Variants in LRP1B observed in about 807,000 individuals in gnomAD.
LRP1B encodes the protein low-density lipoprotein receptor-related protein 1B.
A neutral mutation model predicts 556.6 loss-of-function variants in LRP1B; 217 were observed. That is an observed-to-expected ratio of 0.39 (90% CI 0.35 to 0.44). The LOEUF is 0.44. Among genes scored for constraint, LRP1B ranks in the 20% least tolerant of loss-of-function variants. The probability of loss-of-function intolerance (pLI) is 1.00; values close to 1 mark genes in which losing one functional copy is unlikely to be tolerated. For synonymous variants in LRP1B, 2,047 were observed against 1,865.8 expected (o/e 1.10, Z -2.50); for missense variants, 5,053 against 5,620.8 (o/e 0.90, Z 3.23).
intron 1 of LRP1B, among the ~76,000 whole-genome samples, chr2:141,967,063 A>G (rs1701586491): frequency 6.6e-6 from 1 of 151,682 alleles, no homozygotes; most frequent in African/African-American, 2.4e-5. Context: ...CCCATCTCCA[A>G]CTTCTTCTTA....
chr2:141,846,801 AT>A (rs1333968133), intron 1 of LRP1B, among the ~76,000 whole-genome samples: 6 of 151,518 alleles, frequency 4.0e-5, no homozygotes, highest in African/African-American at 7.2e-5. Context: ...AATAAAAAAA[AT>A]AAAAGCTTTA....
chr2:141,138,357 A>G (rs1701541711), intron 7 of LRP1B, among the ~76,000 whole-genome samples: 1 of 151,992 alleles, frequency 6.6e-6, no homozygotes, highest in Non-Finnish European at 1.5e-5. Flanking sequence ...GAACAGGAAC[A>G]AGACAAGACA....
chr2:141,591,346 T>TTG (rs1553539616), intron 2 of LRP1B, among the ~76,000 whole-genome samples: 109 of 134,934 alleles, frequency 8.1e-4, no homozygotes, highest in Admixed American at 4.3e-3. Context: ...CTGGTTTTTT[T>TTG]TTGTTGTTGT....
At chr2:141,413,984 A>C (rs1473164688) in intron 3 of LRP1B, among the ~76,000 whole-genome samples, 1 of 152,042 alleles carries the variant, frequency 6.6e-6, no homozygotes, top group Non-Finnish European at 1.5e-5. Context: ...TAATCCCAGC[A>C]CTTTGGGAGG....
intron 3 of LRP1B, among the ~76,000 whole-genome samples, chr2:141,325,500 A>G (rs956501761): frequency 6.6e-6 from 1 of 152,166 alleles, no homozygotes; most frequent in African/African-American, 2.4e-5. Flanking sequence ...GTCACAGACT[A>G]TACTAGGTAA....
At chr2:141,584,621 C>A (rs969992637) in intron 2 of LRP1B, among the ~76,000 whole-genome samples, 2 of 152,072 alleles carry the variant, frequency 1.3e-5, no homozygotes, top group Non-Finnish European at 2.9e-5. Context: ...GTACAACATA[C>A]ACACACATGC....
intron 15 of LRP1B, among the ~76,000 whole-genome samples, chr2:140,994,611 C>A (rs1697188676): frequency 6.6e-6 from 1 of 151,884 alleles, no homozygotes; most frequent in Non-Finnish European, 1.5e-5. Flanking sequence ...GAGTAGATTG[C>A]AGGTGTTCTT....
chr2:141,203,296 T>C (rs1403966315), intron 6 of LRP1B, among the ~76,000 whole-genome samples: 2 of 150,416 alleles, frequency 1.3e-5, no homozygotes, highest in African/African-American at 2.5e-5. Flanking sequence ...AGGAGACCCA[T>C]CTCACATGCA....
At chr2:140,945,905 A>AGTTT (rs1308337438) in intron 20 of LRP1B, among the ~76,000 whole-genome samples, 1 of 152,194 alleles carries the variant, frequency 6.6e-6, no homozygotes, top group African/African-American at 2.4e-5. Flanking sequence ...ATAAACTGCC[A>AGTTT]ACAGAGTAAA....
intron 7 of LRP1B, among the ~76,000 whole-genome samples, chr2:141,098,833 T>G (rs1700388250): frequency 6.6e-6 from 1 of 152,106 alleles, no homozygotes. Context: ...GATTTTGTAT[T>G]TTTAGTAGAT....
At chr2:140,269,880 T>C (rs1177378651) in intron 86 of LRP1B, among the ~76,000 whole-genome samples, 6 of 151,864 alleles carry the variant, frequency 4.0e-5, no homozygotes, top group Non-Finnish European at 7.4e-5. Context: ...CAAGTTCTTG[T>C]GAAAAAAAAT....
At chr2:141,593,323 T>C (rs189076836) in intron 2 of LRP1B, among the ~76,000 whole-genome samples, 4 of 152,284 alleles carry the variant, frequency 2.6e-5, no homozygotes, top group Admixed American at 2.0e-4. Context: ...TCGACATATA[T>C]ATGTATGAAT....
intron 3 of LRP1B, among the ~76,000 whole-genome samples, chr2:141,260,708 C>T (rs76171927): frequency 0.082 from 12,525 of 152,182 alleles, 538 homozygotes; most frequent in South Asian, 0.11. Flanking sequence ...TTGGATTTAG[C>T]AAGACAGTGA....
rs1688140404 is a variant in LRP1B at position 140,741,622 on chromosome 2, C to T, written c.5759-24806G>A. On this transcript the variant is annotated intron_variant, in intron 35 of 90. Transcript: ENST00000389484. ...GTATCCAATAGGTAGATTTTTAATT[C>T]TCACCGTCCTACCACTCTCCATTCT... is the stretch of plus-strand genomic sequence containing the variant. Among the ~76,000 whole-genome samples, 4 of 152,156 alleles carry T rather than the reference C, an allele frequency of 2.6e-5. No individual in the cohort carries two copies. In the South Asian group the frequency reaches 8.3e-4, roughly 32 times the overall value.
chr2:140,364,567 T>C (rs1682665446), intron 72 of LRP1B, 94 bp downstream of exon 72: 2 of 1,432,638 alleles, frequency 1.4e-6, no homozygotes, highest in African/African-American at 2.8e-5. Context: ...CAGGATGGTA[T>C]AATTGGTAGT....
At chr2:141,150,333 C>G (rs921551809) in intron 7 of LRP1B, among the ~76,000 whole-genome samples, 4 of 152,186 alleles carry the variant, frequency 2.6e-5, no homozygotes, top group Admixed American at 2.0e-4. Context: ...GAGAGAATAA[C>G]TATATTTCAG....
intron 1 of LRP1B, among the ~76,000 whole-genome samples, chr2:142,116,273 G>A (rs973927065): frequency 6.6e-6 from 1 of 151,066 alleles, no homozygotes; most frequent in Non-Finnish European, 1.5e-5. Flanking sequence ...TAATAATAGG[G>A]TATATTGTCA....
At chr2:140,504,103 G>T (rs1689307808) in intron 53 of LRP1B, among the ~76,000 whole-genome samples, 1 of 151,966 alleles carries the variant, frequency 6.6e-6, no homozygotes, top group Non-Finnish European at 1.5e-5. Context: ...CACATTTCTT[G>T]TCTCTTTATT....
chr2:140,611,316 T>C (rs904933319), intron 41 of LRP1B, among the ~76,000 whole-genome samples: 1 of 152,252 alleles, frequency 6.6e-6, no homozygotes, highest in Non-Finnish European at 1.5e-5. Flanking sequence ...GTATAACTTG[T>C]AGGATGGCAA....
Sources: allele counts gnomAD v4.1 joint callset (sites outside exome capture counted in the v4.1 genomes callset), GRCh38; gene constraint gnomAD v4.1.1; transcripts MANE v1.5; gene names NCBI Gene and HGNC (gene_info 2026-07-23, HGNC 2026-07-21).